RAD51B: variants seen among roughly 807,000 people sequenced by gnomAD.
RAD51B encodes the protein DNA repair protein RAD51 homolog 2.
In RAD51B, 38 loss-of-function variants were observed where a neutral mutation model predicts 42.2. The ratio of observed to expected loss-of-function variants is 0.90; its 90% CI spans 0.70 to 1.18. The LOEUF (loss-of-function observed/expected upper bound fraction) is 1.18, where lower values mean the gene tolerates loss of function less well. Among genes scored for constraint, RAD51B ranks in the 50% most tolerant of loss-of-function variants. The pLI is 0.00. For missense variants in RAD51B, 373 were observed against 400.7 expected (o/e 0.93, Z 0.59); for synonymous variants, 154 against 145.2 (o/e 1.06, Z -0.43).
At chr14:68,195,251 G>C (rs1205112158) in intron 7 of RAD51B, among the ~76,000 whole-genome samples, 2 of 152,076 alleles carry the variant, frequency 1.3e-5, no homozygotes, top group African/African-American at 4.8e-5. Flanking sequence ...TCAAGTTAAT[G>C]GGTGCTGGAA....
At chr14:67,877,123 TGTG>T (rs958186911) in intron 5 of RAD51B, among the ~76,000 whole-genome samples, 3 of 152,032 alleles carry the variant, frequency 2.0e-5, no homozygotes, top group Non-Finnish European at 2.9e-5. Flanking sequence ...AATAAATAGA[TGTG>T]GTCCAGGGAT....
intron 11 of RAD51B, among the ~76,000 whole-genome samples, chr14:68,659,316 C>G (rs1380405804): frequency 1.3e-5 from 2 of 152,218 alleles, no homozygotes; most frequent in Non-Finnish European, 2.9e-5. Flanking sequence ...GGGAGTCACG[C>G]TGGGGAAGGC....
rs570128073 is a variant in RAD51B at position 67,835,735 on chromosome 14, G to T, written c.315+539G>T. On this transcript the variant is annotated intron_variant, in intron 4 of 10. Transcript: ENST00000471583. ...AGAAACCATTTAGCCATATGTGGTG[G>T]TGCATGCTTATGGTCCTAGCTACTC... 7.2e-5 allele frequency among the ~76,000 whole-genome samples: 11 copies of T among 152,050 alleles called. 1 individual carries two copies. The South Asian group carries it at 2.3e-3, about 32-fold the overall frequency.
intron 8 of RAD51B, among the ~76,000 whole-genome samples, chr14:68,389,524 C>T (rs1464457348): frequency 3.3e-5 from 5 of 152,184 alleles, no homozygotes; most frequent in African/African-American, 9.7e-5. Context: ...ATTAATATGT[C>T]AGTGTTTGTC....
chr14:68,002,984 T>G (rs1044423320), intron 7 of RAD51B, among the ~76,000 whole-genome samples: 3 of 152,210 alleles, frequency 2.0e-5, no homozygotes, highest in Non-Finnish European at 4.4e-5. Flanking sequence ...TTTGTTCTTT[T>G]TGCTTAGGAT....
chr14:68,348,058 C>T (rs1463131793), intron 8 of RAD51B, among the ~76,000 whole-genome samples: 1 of 152,094 alleles, frequency 6.6e-6, no homozygotes, highest in African/African-American at 2.4e-5. Flanking sequence ...CCCAATGGTA[C>T]CAAGTGACCA....
At chr14:67,959,685 A>G (rs2074621601) in intron 7 of RAD51B, among the ~76,000 whole-genome samples, 1 of 152,204 alleles carries the variant, frequency 6.6e-6, no homozygotes, top group Admixed American at 6.5e-5. Context: ...TCTTCTTTCT[A>G]GCATATCTAT....
At chr14:68,124,610 A>T in intron 7 of RAD51B, among the ~76,000 whole-genome samples, 1 of 152,214 alleles carries the variant, frequency 6.6e-6, no homozygotes, top group African/African-American at 2.4e-5. Flanking sequence ...AGAAAAAAGA[A>T]GACAGGTTTT....
intron 10 of RAD51B, among the ~76,000 whole-genome samples, chr14:68,549,783 C>T (rs907086504): frequency 5.3e-5 from 8 of 152,144 alleles, no homozygotes; most frequent in Admixed American, 2.0e-4. Context: ...TTTCTTTTTA[C>T]TAAGTCATGT....
intron 7 of RAD51B, among the ~76,000 whole-genome samples, chr14:68,247,545 T>G (rs2080525254): frequency 6.6e-6 from 1 of 152,238 alleles, no homozygotes. Context: ...GAAGGAAAGT[T>G]CAGTTCAGAT....
chr14:68,551,532 T>C (rs1471562559), intron 10 of RAD51B, among the ~76,000 whole-genome samples: 1 of 152,196 alleles, frequency 6.6e-6, no homozygotes, highest in Non-Finnish European at 1.5e-5. Flanking sequence ...GCTTCTGATC[T>C]CCAGTAAGTA....
At chr14:67,985,642 C>T (rs1051462249) in intron 7 of RAD51B, among the ~76,000 whole-genome samples, 2 of 151,976 alleles carry the variant, frequency 1.3e-5, no homozygotes, top group Non-Finnish European at 2.9e-5. Flanking sequence ...GAAACAGTGG[C>T]TCATGCTTGT....
At chr14:68,311,724 T>C (rs1222185083) in intron 8 of RAD51B, among the ~76,000 whole-genome samples, 1 of 152,040 alleles carries the variant, frequency 6.6e-6, no homozygotes, top group Non-Finnish European at 1.5e-5. Context: ...CTGTCTCTAC[T>C]AAAAATACAA....
At chr14:68,582,953 T>A (rs1890277755) in intron 10 of RAD51B, among the ~76,000 whole-genome samples, 1 of 151,818 alleles carries the variant, frequency 6.6e-6, no homozygotes, top group South Asian at 2.1e-4. Flanking sequence ...AGTTGAACAA[T>A]AACACATGGA....
intron 7 of RAD51B, among the ~76,000 whole-genome samples, chr14:68,169,475 A>G (rs1306226693): frequency 6.6e-6 from 1 of 152,082 alleles, no homozygotes; most frequent in Non-Finnish European, 1.5e-5. Flanking sequence ...TCCTTAACAT[A>G]TAACCCCTTA....
intron 7 of RAD51B, among the ~76,000 whole-genome samples, chr14:68,202,493 A>T (rs548179598): frequency 6.6e-6 from 1 of 151,906 alleles, no homozygotes; most frequent in Non-Finnish European, 1.5e-5. Context: ...TGTCATTTCA[A>T]TGATGTTCAC....
intron 7 of RAD51B, among the ~76,000 whole-genome samples, chr14:68,237,732 CTTTTTTTTTT>C (rs57490316): frequency 8.1e-5 from 6 of 74,096 alleles, no homozygotes; most frequent in South Asian, 3.9e-4. Context: ...TTTCATTTCT[CTTTTTTTTTT>C]TTTTTTTTTT....
At chr14:68,450,768 C>T (rs770546663) in intron 9 of RAD51B, among the ~76,000 whole-genome samples, 25 of 151,970 alleles carry the variant, frequency 1.6e-4, no homozygotes, top group Admixed American at 3.3e-4. Context: ...CATAGTGTAC[C>T]AACCGGGAAA....
At chr14:68,230,313 C>T (rs1162010055) in intron 7 of RAD51B, among the ~76,000 whole-genome samples, 8 of 152,158 alleles carry the variant, frequency 5.3e-5, no homozygotes, top group Admixed American at 3.9e-4. Context: ...AACAGATTTT[C>T]AGAGTAGGAC....
Sources: gnomAD v4.1 joint callset for allele counts (sites outside exome capture counted in the v4.1 genomes callset) on GRCh38, gnomAD v4.1.1 for gene constraint, MANE v1.5 for transcripts, NCBI Gene and HGNC (gene_info 2026-07-23, HGNC 2026-07-21) for gene names.